IPO11: variants seen among roughly 807,000 people sequenced by gnomAD.
IPO11 encodes importin 11.
In IPO11, 66 loss-of-function variants were observed where a neutral mutation model predicts 143.2. The observed-to-expected ratio is 0.46, with a 90% CI of 0.38 to 0.57. The LOEUF is 0.57. IPO11 is among the 20% of genes least tolerant of loss of function. The pLI is 0.00. For synonymous variants in IPO11, 385 were observed against 377.8 expected, an observed-to-expected ratio of 1.02 and a Z score of -0.22; for missense variants, 1,026 against 1,141.0, an observed-to-expected ratio of 0.90 and a Z score of 1.45.
intron 28 of IPO11, among the ~76,000 whole-genome samples, chr5:62,600,680 CTG>C (rs1745473107): frequency 6.7e-6 from 1 of 149,814 alleles, no homozygotes; most frequent in Non-Finnish European, 1.5e-5. Context: ...TTGTACTACA[CTG>C]TATTATATCA....
Position 62,536,705 on chromosome 5 carries a change from T to C in IPO11, c.2093T>C (p.Leu698Pro). 1 of 1,574,678 alleles carries C rather than the reference T, an allele frequency of 6.4e-7. No individual in the cohort carries two copies. Among genetic ancestry groups the C allele is most frequent in the East Asian group, 2.4e-5 (1 of 42,180 alleles). ...IFQNMSPLLE[L>P]SSENLRTCFK... Reference sequence around the variant, plus strand: ...TTGACATTTATTGTTTTGGCAGAACTAAGTTCAGAAAATCTTAGAACTTGC... The same window carrying C: ...TTGACATTTATTGTTTTGGCAGAACCAAGTTCAGAAAATCTTAGAACTTGC... The change falls in exon 23 of 30, where the codon CTA becomes CCA. Residue 698 changes from leucine to proline, a missense_variant. By Grantham distance (98) the Leu-to-Pro change is moderately conservative (BLOSUM62 -3). Transcript: ENST00000325324.
intron 20 of IPO11, among the ~76,000 whole-genome samples, chr5:62,520,274 A>G (rs975945216): frequency 1.3e-5 from 2 of 152,168 alleles, no homozygotes; most frequent in Admixed American, 1.3e-4. Flanking sequence ...TGCTTAGTAC[A>G]CTTAGTTGTC....
chr5:62,476,745 A>T lies in IPO11; in HGVS notation c.820A>T (p.Thr274Ser), dbSNP rs139799766. The part of the protein sequence containing the change: ...DRLEKTIILF[T>S]KVLLDFLDQH... ...ACTGGAAAAGACCATCATTCTTTTT[A>T]CTAAAGTGGTAAGTTTTTTAAAAAC... The change falls in exon 9 of 30, where the codon ACT (threonine) becomes TCT (serine). Residue 274 changes from threonine to serine, a missense_variant. Around this residue, in one of 5 missense-constraint regions of IPO11, gnomAD observed 429 missense variants for 456.3 expected, o/e 0.94. Coordinates refer to ENST00000325324, the MANE Select transcript of IPO11 (RefSeq NM_016338.5). 194 of 1,521,448 alleles carry T rather than the reference A, an allele frequency of 1.3e-4. No homozygotes were observed. Among genetic ancestry groups the T allele is most frequent in the Non-Finnish European group, 1.6e-4 (183 of 1,131,564 alleles). The allele number at this position is 1,521,448 out of a possible 1,614,324, so 94.2% of individuals were successfully genotyped here.
chr5:62,551,301 C>G lies in IPO11; in HGVS notation c.2425C>G (p.Leu809Val), dbSNP rs1252949518. ...ACAAAACACTAGTTTTTTTTCTTCA[C>G]TACTTAATGAGATGGCCCATAAATT... ...LLQNTSFFSS[L>V]LNEMAHKFNQ... The change falls in exon 26 of 30, where the codon CTA becomes GTA. Residue 809 changes from leucine (L) to valine (V), a missense_variant. Transcript: ENST00000325324. 6.2e-7 allele frequency: 1 copy of G among 1,605,576 alleles called. No homozygotes were observed. The highest frequency in any genetic ancestry group is 8.5e-7 in the Non-Finnish European group (1 of 1,174,136).
intron 27 of IPO11, among the ~76,000 whole-genome samples, chr5:62,565,425 G>A (rs1743900357): frequency 6.6e-6 from 1 of 152,174 alleles, no homozygotes; most frequent in Non-Finnish European, 1.5e-5. Context: ...GGCAGAGGTT[G>A]CAGTTAGCCA....
chr5:62,501,144 G>C (rs2112255474), intron 16 of IPO11, among the ~76,000 whole-genome samples: 1 of 152,256 alleles, frequency 6.6e-6, no homozygotes, highest in East Asian at 1.9e-4. Flanking sequence ...CAGGTGCTTT[G>C]AAACTCTTCT....
At chr5:62,557,125 G>A (rs546510951) in intron 26 of IPO11, among the ~76,000 whole-genome samples, 56 of 152,098 alleles carry the variant, frequency 3.7e-4, no homozygotes, top group African/African-American at 1.3e-3. Flanking sequence ...CCCTCAATGT[G>A]TTATCTAAAC....
At chr5:62,534,751 T>G (rs935215219) in intron 22 of IPO11, among the ~76,000 whole-genome samples, 7 of 152,084 alleles carry the variant, frequency 4.6e-5, no homozygotes, top group African/African-American at 1.7e-4. Flanking sequence ...TCTACCTACT[T>G]GATGATAGTG....
At chr5:62,549,437 A>G (rs1743320932) in intron 24 of IPO11, among the ~76,000 whole-genome samples, 1 of 152,206 alleles carries the variant, frequency 6.6e-6, no homozygotes, top group Non-Finnish European at 1.5e-5. Flanking sequence ...ACACTGGAAG[A>G]TGCTAAATCT....
At chr5:62,486,586 CTTT>C (rs967387974) in intron 12 of IPO11, among the ~76,000 whole-genome samples, 1 of 152,050 alleles carries the variant, frequency 6.6e-6, no homozygotes, top group Non-Finnish European at 1.5e-5. Flanking sequence ...TTGAGCTCTT[CTTT>C]TTAAGATTTG....
intron 20 of IPO11, among the ~76,000 whole-genome samples, chr5:62,521,642 C>T (rs560912028): frequency 5.9e-5 from 9 of 152,104 alleles, no homozygotes; most frequent in Admixed American, 3.3e-4. Flanking sequence ...TCTTCCTCTT[C>T]GTATTTTTCT....
chr5:62,455,190 G>T (rs983117925), intron 5 of IPO11, among the ~76,000 whole-genome samples: 3 of 152,110 alleles, frequency 2.0e-5, no homozygotes, highest in Non-Finnish European at 4.4e-5. Flanking sequence ...AATAATAAAG[G>T]AAGATGCAAA....
intron 2 of IPO11, among the ~76,000 whole-genome samples, chr5:62,441,496 CTTTTTTTT>C (rs995019567): frequency 4.2e-5 from 2 of 47,342 alleles, no homozygotes; most frequent in African/African-American, 1.8e-4. Context: ...TGTGCCTGGC[CTTTTTTTT>C]TTTTTTTTTT....
intron 28 of IPO11, among the ~76,000 whole-genome samples, chr5:62,595,379 G>A (rs1388215927): frequency 6.6e-6 from 1 of 152,170 alleles, no homozygotes; most frequent in Non-Finnish European, 1.5e-5. Flanking sequence ...TACAGTTTGG[G>A]TGACATATGA....
chr5:62,462,333 G>A (rs909187152), intron 5 of IPO11, among the ~76,000 whole-genome samples: 1 of 151,872 alleles, frequency 6.6e-6, no homozygotes, highest in South Asian at 2.1e-4. Context: ...CTTTGGTATA[G>A]TATTCAGAGA....
intron 29 of IPO11, among the ~76,000 whole-genome samples, chr5:62,625,867 A>G (rs1746549142): frequency 6.6e-6 from 1 of 152,214 alleles, no homozygotes; most frequent in South Asian, 2.1e-4. Flanking sequence ...ACAGAGGGGT[A>G]TACTTTTCTA....
At chr5:62,454,087 A>G (rs762587034) in intron 5 of IPO11, among the ~76,000 whole-genome samples, 1 of 152,164 alleles carries the variant, frequency 6.6e-6, no homozygotes, top group African/African-American at 2.4e-5. Flanking sequence ...GTGAGCCGAG[A>G]TTGCACCACT....
At chr5:62,603,852 A>G (rs963706212) in intron 29 of IPO11, among the ~76,000 whole-genome samples, 21 of 152,258 alleles carry the variant, frequency 1.4e-4, no homozygotes, top group Admixed American at 3.3e-4. Flanking sequence ...ATTTCGGTCA[A>G]CAGCACACTG....
At chr5:62,435,092 G>GTATATGTGTA (rs1744132978) in intron 1 of IPO11, among the ~76,000 whole-genome samples, 1 of 58,266 alleles carries the variant, frequency 1.7e-5, no homozygotes, top group African/African-American at 6.0e-5. Flanking sequence ...GTGTATATAT[G>GTATATGTGTA]TATATATGTA....
Sources: allele counts gnomAD v4.1 joint callset (sites outside exome capture counted in the v4.1 genomes callset), GRCh38; gene constraint gnomAD v4.1.1; regional missense constraint gnomAD v4.1.1; transcripts MANE v1.5; gene names NCBI Gene and HGNC (gene_info 2026-07-23, HGNC 2026-07-21).